OCA2: variants seen among roughly 807,000 people sequenced by gnomAD.
OCA2 encodes OCA2 melanosomal transmembrane protein.
Under a neutral mutation model 100.2 loss-of-function variants are expected in OCA2, and 77 were observed. That is an observed-to-expected ratio of 0.77 (90% CI 0.64 to 0.93). OCA2 has a LOEUF of 0.93. OCA2 is among the 40% of genes least tolerant of loss of function. OCA2 has a pLI of 0.00. For synonymous variants in OCA2, 432 were observed against 439.2 expected (o/e 0.98, Z 0.21); for missense variants, 1,062 against 1,089.1 (o/e 0.98, Z 0.35).
At chr15:27,943,684 A>C (rs139232751) in intron 18 of OCA2, among the ~76,000 whole-genome samples, 12 of 151,352 alleles carry the variant, frequency 7.9e-5, no homozygotes, top group African/African-American at 2.9e-4. Flanking sequence ...AAAAAAAAAA[A>C]AAAAAAACCT....
At chr15:27,811,463 T>C (rs1272873375) in intron 23 of OCA2, among the ~76,000 whole-genome samples, 1 of 152,158 alleles carries the variant, frequency 6.6e-6, no homozygotes. Flanking sequence ...TCCACCACTA[T>C]ATAATTCATC....
intron 23 of OCA2, among the ~76,000 whole-genome samples, chr15:27,775,145 C>A (rs1193752948): frequency 6.6e-6 from 1 of 151,828 alleles, no homozygotes; most frequent in East Asian, 1.9e-4. Context: ...CTGGGGCTGG[C>A]GCCCTGGGCC....
At chr15:27,818,338 G>A (rs1387071615) in intron 23 of OCA2, among the ~76,000 whole-genome samples, 8 of 152,082 alleles carry the variant, frequency 5.3e-5, no homozygotes, top group African/African-American at 1.2e-4. Context: ...GCAGTGAGCC[G>A]GGATCACACC....
chr15:27,917,250 A>G (rs2038699557), intron 19 of OCA2, among the ~76,000 whole-genome samples: 1 of 152,190 alleles, frequency 6.6e-6, no homozygotes, highest in Admixed American at 6.5e-5. Context: ...CTAGGAGCTC[A>G]ACATGGAGCT....
intron 2 of OCA2, among the ~76,000 whole-genome samples, chr15:28,059,021 T>G (rs1255408664): frequency 6.6e-6 from 1 of 152,200 alleles, no homozygotes; most frequent in Non-Finnish European, 1.5e-5. Context: ...GAGCGCTCAG[T>G]GAAGCCTGCC....
At chr15:27,827,112 G>A (rs780746441) in intron 23 of OCA2, among the ~76,000 whole-genome samples, 1 of 152,194 alleles carries the variant, frequency 6.6e-6, no homozygotes, top group Non-Finnish European at 1.5e-5. Context: ...GAGATCCCAC[G>A]ATGTTTTCAT....
intron 21 of OCA2, among the ~76,000 whole-genome samples, chr15:27,866,743 G>A (rs916608843): frequency 2.0e-5 from 3 of 152,304 alleles, no homozygotes; most frequent in African/African-American, 4.8e-5. Context: ...AGGAGAAAGC[G>A]CTGAGGTAGG....
At chr15:27,843,416 T>C (rs577203834) in intron 23 of OCA2, among the ~76,000 whole-genome samples, 5 of 152,354 alleles carry the variant, frequency 3.3e-5, no homozygotes, top group Admixed American at 3.3e-4. Flanking sequence ...CAGTGTGTGG[T>C]AGGCCACCCT....
At chr15:28,069,845 G>A (rs1343775796) in intron 2 of OCA2, among the ~76,000 whole-genome samples, 4 of 130,406 alleles carry the variant, frequency 3.1e-5, no homozygotes, top group Non-Finnish European at 4.6e-5. Context: ...AGTGAGGAGT[G>A]TCTCTGCCTG....
chr15:27,753,058 C>G (rs2030126873), downstream of OCA2, among the ~76,000 whole-genome samples: 1 of 151,950 alleles, frequency 6.6e-6, no homozygotes, highest in South Asian at 2.1e-4. Context: ...CATTGAGGGG[C>G]AGTAAAGGTA....
At chr15:27,967,663 G>C (rs1401364592) in intron 14 of OCA2, among the ~76,000 whole-genome samples, 1 of 152,260 alleles carries the variant, frequency 6.6e-6, no homozygotes, top group Non-Finnish European at 1.5e-5. Context: ...GGATCGCTTA[G>C]AGCATGGGGA....
intron 6 of OCA2, among the ~76,000 whole-genome samples, chr15:28,019,745 C>A (rs2042530248): frequency 1.3e-5 from 2 of 152,090 alleles, no homozygotes; most frequent in Non-Finnish European, 2.9e-5. Flanking sequence ...CCTTTCCAAC[C>A]AGGCCGAGGC....
chr15:27,993,629 C>A (rs2041627499), intron 9 of OCA2, among the ~76,000 whole-genome samples: 1 of 152,160 alleles, frequency 6.6e-6, no homozygotes, highest in Non-Finnish European at 1.5e-5. Flanking sequence ...ACCCCTAGCA[C>A]CCTCGCTAAG....
chr15:27,997,078 AAG>A (rs1348000053), intron 9 of OCA2, among the ~76,000 whole-genome samples: 1 of 75,056 alleles, frequency 1.3e-5, no homozygotes, highest in East Asian at 2.4e-4. Flanking sequence ...GGAAGGGAGA[AAG>A]AGAGAGAAAG....
chr15:27,725,893 G>A, the OCA2 span, among the ~76,000 whole-genome samples: 4 of 152,110 alleles, frequency 2.6e-5, no homozygotes, highest in Admixed American at 2.0e-4. Flanking sequence ...AGCTGGGTGC[G>A]TGGAATGCAC....
chr15:27,922,680 G>GTGT (rs61038958), intron 19 of OCA2, among the ~76,000 whole-genome samples: 3,757 of 147,190 alleles, frequency 0.026, 240 homozygotes, highest in East Asian at 0.25. Context: ...TTTTGTTTGG[G>GTGT]GTGTGTGTGT....
chr15:27,770,617 C>T (rs958042634), intron 23 of OCA2, among the ~76,000 whole-genome samples: 2 of 152,140 alleles, frequency 1.3e-5, no homozygotes, highest in African/African-American at 4.8e-5. Context: ...CGTGTCCTTA[C>T]CCACTTCCCT....
intron 19 of OCA2, among the ~76,000 whole-genome samples, chr15:27,883,265 G>T (rs973538093): frequency 1.3e-5 from 2 of 152,030 alleles, no homozygotes; most frequent in African/African-American, 4.8e-5. Flanking sequence ...ACCCCGAGAG[G>T]GTCCCTTCTC....
chr15:27,806,630 G>A (rs1416017569), intron 23 of OCA2, among the ~76,000 whole-genome samples: 2 of 152,232 alleles, frequency 1.3e-5, no homozygotes, highest in Admixed American at 6.5e-5. Flanking sequence ...CCTGCGCCTC[G>A]GCCTGTCCCT....
Sources: allele counts gnomAD v4.1 joint callset (sites outside exome capture counted in the v4.1 genomes callset), GRCh38; gene constraint gnomAD v4.1.1; transcripts MANE v1.5; gene names NCBI Gene and HGNC (gene_info 2026-07-23, HGNC 2026-07-21).